The following LRRC7 variants were observed in gnomAD, a reference collection of about 807,000 sequenced individuals.
LRRC7 encodes the protein leucine-rich repeat-containing protein 7.
Under a neutral mutation model 175.7 loss-of-function variants are expected in LRRC7, and 23 were observed. The observed-to-expected ratio is 0.13, with a 90% CI of 0.09 to 0.19. LRRC7 has a LOEUF of 0.19. Among genes scored for constraint, LRRC7 ranks in the 10% least tolerant of loss-of-function variants. The pLI, the probability that LRRC7 is intolerant of heterozygous loss-of-function variation, is 1.00. For missense variants in LRRC7, 1,354 were observed against 1,904.7 expected (o/e 0.71, Z 5.38); for synonymous variants, 685 against 680.9 (o/e 1.01, Z -0.09).
intron 5 of LRRC7, among the ~76,000 whole-genome samples, chr1:69,826,616 G>A (rs1679938910): frequency 6.6e-6 from 1 of 152,086 alleles, no homozygotes; most frequent in Admixed American, 6.6e-5. Flanking sequence ...GTTGAAATAA[G>A]TCAGTTGTAT....
intron 2 of LRRC7, among the ~76,000 whole-genome samples, chr1:69,679,282 A>C (rs1660180431): frequency 6.6e-6 from 1 of 152,094 alleles, no homozygotes; most frequent in Admixed American, 6.6e-5. Flanking sequence ...CTTTTACAGG[A>C]ACTTACATTT....
chr1:69,617,547 T>TAAAAAAAAAAAAAAAAAAAAAAAAA (rs11473590), intron 1 of LRRC7, among the ~76,000 whole-genome samples: 13 of 62,004 alleles, frequency 2.1e-4, no homozygotes, highest in Admixed American at 4.6e-4. Flanking sequence ...ATACTCACAG[T>TAAAAAAAAAAAAAAAAAAAAAAAAA]AAAAAAAAAA....
intron 1 of LRRC7, among the ~76,000 whole-genome samples, chr1:69,656,207 G>T (rs576923368): frequency 6.6e-6 from 1 of 151,910 alleles, no homozygotes; most frequent in South Asian, 2.1e-4. Flanking sequence ...TCACCAAGAT[G>T]GAAACATGCT....
chr1:69,750,498 G>C (rs1434117021), intron 2 of LRRC7, among the ~76,000 whole-genome samples: 1 of 152,082 alleles, frequency 6.6e-6, no homozygotes, highest in African/African-American at 2.4e-5. Flanking sequence ...ACATTGGTTT[G>C]AACAAAGATA....
intron 8 of LRRC7, among the ~76,000 whole-genome samples, chr1:69,948,861 G>A (rs1463514804): frequency 6.6e-6 from 1 of 152,132 alleles, no homozygotes; most frequent in African/African-American, 2.4e-5. Context: ...TGTTTCGATT[G>A]TGCCAACCTG....
intron 7 of LRRC7, among the ~76,000 whole-genome samples, chr1:69,905,616 C>T (rs1646279082): frequency 1.3e-5 from 2 of 152,204 alleles, no homozygotes; most frequent in Non-Finnish European, 2.9e-5. Context: ...CATAGTATTC[C>T]GTGGTGTATA....
chr1:69,885,595 GT>G (rs200936239), intron 7 of LRRC7, among the ~76,000 whole-genome samples: 51,617 of 125,632 alleles, frequency 0.41, 11,881 homozygotes, highest in East Asian at 0.55. Flanking sequence ...TTTTTGAAGG[GT>G]TTTTTGTGTC....
At chr1:70,044,230 A>G (rs1457972663) in intron 22 of LRRC7, 136 bp downstream of exon 22, 7 of 754,622 alleles carry the variant, frequency 9.3e-6, no homozygotes, top group Non-Finnish European at 4.1e-6. Context: ...AAGGGCAAGT[A>G]ATGTAGAGCC....
intron 14 of LRRC7, among the ~76,000 whole-genome samples, chr1:70,017,469 A>T (rs141758950): frequency 4.6e-5 from 7 of 152,296 alleles, no homozygotes; most frequent in Non-Finnish European, 7.4e-5. Flanking sequence ...AACTAATGAT[A>T]GACAATTTTT....
intron 7 of LRRC7, among the ~76,000 whole-genome samples, chr1:69,913,260 C>A (rs1423064160): frequency 6.6e-6 from 1 of 152,136 alleles, no homozygotes; most frequent in African/African-American, 2.4e-5. Context: ...AATTTGGTCA[C>A]ATATCCTTTT....
At chr1:69,680,151 A>T (rs1013849570) in intron 2 of LRRC7, among the ~76,000 whole-genome samples, 1 of 152,106 alleles carries the variant, frequency 6.6e-6, no homozygotes, top group African/African-American at 2.4e-5. Context: ...CTTGTTAAAA[A>T]TGCAAATTCT....
At chr1:69,763,274 G>A (rs1255495678) in intron 3 of LRRC7, among the ~76,000 whole-genome samples, 4 of 152,044 alleles carry the variant, frequency 2.6e-5, no homozygotes, top group East Asian at 1.9e-4. Context: ...AATTTATTCC[G>A]AAGCTGACTT....
intron 1 of LRRC7, among the ~76,000 whole-genome samples, chr1:69,569,961 G>T (rs1645671880): frequency 6.7e-6 from 1 of 150,090 alleles, no homozygotes; most frequent in East Asian, 2.0e-4. Context: ...AGACACAGGG[G>T]TCCTCCCCCT....
At chr1:70,066,600 A>C (rs757622298) in intron 23 of LRRC7, among the ~76,000 whole-genome samples, 2 of 151,950 alleles carry the variant, frequency 1.3e-5, no homozygotes, top group Non-Finnish European at 2.9e-5. Flanking sequence ...CATAGTATGG[A>C]TATATCACAG....
intron 2 of LRRC7, among the ~76,000 whole-genome samples, chr1:69,741,469 A>G (rs566780364): frequency 6.6e-6 from 1 of 151,986 alleles, no homozygotes; most frequent in Non-Finnish European, 1.5e-5. Flanking sequence ...AAAGAAAAGA[A>G]TCATGGACAA....
chr1:69,758,015 G>A (rs146394174), intron 2 of LRRC7, among the ~76,000 whole-genome samples: 96 of 151,858 alleles, frequency 6.3e-4, no homozygotes, highest in Non-Finnish European at 1.2e-3. Context: ...CATCCTCGCT[G>A]CCACTACCAT....
chr1:70,047,396 G>A (rs1011520918), intron 22 of LRRC7, among the ~76,000 whole-genome samples: 10 of 152,092 alleles, frequency 6.6e-5, no homozygotes, highest in African/African-American at 1.9e-4. Flanking sequence ...GCTGCTCTCC[G>A]AAGGAAACAT....
rs546504528 is a variant in LRRC7, at chr1:70,140,061, G to A, written c.*18174G>A. 2 of 152,116 alleles carry A rather than the reference G, an allele frequency of 1.3e-5. No homozygotes were observed. Among genetic ancestry groups the A allele is most frequent in the South Asian group, 4.1e-4 (2 of 4,822 alleles). 9.4% of individuals were successfully genotyped at this position (152,116 alleles called of 1,614,324 possible). A position where few individuals can be genotyped will look rare whatever the true frequency, so the allele number is the denominator to read the frequency against. ...GGGTTTTTTCGTTTTTTTGTGTGTT[G>A]GAGTAATTGAAAAGATACATCAAGC... On this transcript the variant is annotated 3_prime_UTR_variant, in exon 27 of 27. Coordinates refer to ENST00000651989, the MANE Select transcript of LRRC7 (RefSeq NM_001370785.2).
chr1:69,897,375 A>G (rs1444081635), intron 7 of LRRC7, among the ~76,000 whole-genome samples: 2 of 152,130 alleles, frequency 1.3e-5, no homozygotes, highest in South Asian at 2.1e-4. Context: ...ATGAAGTAGC[A>G]TCCCTTACAA....
Sources: gnomAD v4.1 joint callset for allele counts (sites outside exome capture counted in the v4.1 genomes callset) on GRCh38, gnomAD v4.1.1 for gene constraint, MANE v1.5 for transcripts, NCBI Gene and HGNC (gene_info 2026-07-23, HGNC 2026-07-21) for gene names.